Variants in CYRIB observed in about 807,000 individuals in gnomAD.
The protein encoded by CYRIB is CYFIP-related Rac1 interactor B.
Under a neutral mutation model 44.2 loss-of-function variants are expected in CYRIB, and 8 were observed. That is an observed-to-expected ratio of 0.18 (90% confidence interval 0.11 to 0.33). The LOEUF (loss-of-function observed/expected upper bound fraction) is 0.33. CYRIB is among the 10% of genes least tolerant of loss of function. The pLI, the probability that CYRIB is intolerant of heterozygous loss-of-function variation, is 1.00. For missense variants in CYRIB, 185 were observed against 382.8 expected (o/e 0.48, Z 4.31); for synonymous variants, 131 against 127.2 (o/e 1.03, Z -0.20).
chr8:129,938,137 T>C (rs1002161677), intron 1 of CYRIB, among the ~76,000 whole-genome samples: 2 of 152,082 alleles, frequency 1.3e-5, no homozygotes, highest in Non-Finnish European at 2.9e-5. Flanking sequence ...AAAAAAGTGC[T>C]GTCATTTCAT....
At chr8:129,933,872 ACT>A (rs979615223) in intron 1 of CYRIB, among the ~76,000 whole-genome samples, 1 of 149,276 alleles carries the variant, frequency 6.7e-6, no homozygotes, top group African/African-American at 2.5e-5. Context: ...ACAGAGTAAG[ACT>A]CTGTCACACA....
intron 1 of CYRIB, among the ~76,000 whole-genome samples, chr8:129,973,688 A>G (rs1023412950): frequency 1.3e-5 from 2 of 152,138 alleles, no homozygotes; most frequent in African/African-American, 4.8e-5. Context: ...TTAGTTCTTT[A>G]AAAAATACTC....
intron 4 of CYRIB, among the ~76,000 whole-genome samples, chr8:129,867,376 T>G (rs1011400105): frequency 8.5e-6 from 1 of 118,264 alleles, no homozygotes; most frequent in Admixed American, 8.8e-5. Flanking sequence ...ACACCTGTCT[T>G]GGCCTCCCAA....
chr8:129,896,541 A>G (rs531066069), intron 2 of CYRIB: 15 of 152,326 alleles, frequency 9.8e-5, no homozygotes, highest in African/African-American at 3.4e-4. Flanking sequence ...ATGAGAGTTC[A>G]AATCCTTAAA....
At chr8:129,919,505 C>T (rs2082433801) in intron 1 of CYRIB, among the ~76,000 whole-genome samples, 2 of 151,994 alleles carry the variant, frequency 1.3e-5, no homozygotes, top group South Asian at 2.1e-4. Flanking sequence ...CAATACAGTA[C>T]AATTAAATAA....
At chr8:129,946,898 T>C (rs1023046468) in intron 2 of CYRIB, among the ~76,000 whole-genome samples, 6 of 152,116 alleles carry the variant, frequency 3.9e-5, no homozygotes, top group Non-Finnish European at 8.8e-5. Context: ...ACTTGGCTGT[T>C]TGTCAGCCTT....
chr8:129,851,148 T>G, intron 8 of CYRIB: 1 of 491,196 alleles, frequency 2.0e-6, no homozygotes, highest in South Asian at 2.4e-5. Flanking sequence ...TCCAGCAATG[T>G]AAGAACAACT....
intron 2 of CYRIB, among the ~76,000 whole-genome samples, chr8:129,959,234 G>C (rs1024767473): frequency 5.4e-5 from 8 of 149,416 alleles, no homozygotes; most frequent in African/African-American, 2.0e-4. Context: ...CAAAAAAGCA[G>C]AGGAAGTAGT....
At chr8:129,997,848 C>A (rs548930017) in intron 1 of CYRIB, among the ~76,000 whole-genome samples, 14 of 152,078 alleles carry the variant, frequency 9.2e-5, no homozygotes, top group African/African-American at 3.4e-4. Flanking sequence ...ACAGGCCAGG[C>A]GCAGTGGCTC....
At chr8:130,013,550 A>C (rs1348512388) in intron 1 of CYRIB, among the ~76,000 whole-genome samples, 2 of 152,224 alleles carry the variant, frequency 1.3e-5, no homozygotes, top group African/African-American at 4.8e-5. Context: ...CTTCCTTTAC[A>C]ATGCTCAGTG....
intron 2 of CYRIB, among the ~76,000 whole-genome samples, chr8:129,883,569 A>C (rs138284485): frequency 1.3e-5 from 2 of 152,190 alleles, no homozygotes; most frequent in Non-Finnish European, 2.9e-5. Context: ...TTAAAACCAT[A>C]ACCCTATCTT....
intron 1 of CYRIB, among the ~76,000 whole-genome samples, chr8:129,989,818 C>T (rs1480782422): frequency 2.2e-5 from 3 of 139,288 alleles, no homozygotes; most frequent in Non-Finnish European, 3.1e-5. Flanking sequence ...CGACAGGCCC[C>T]GGTGTGTGAT....
intron 1 of CYRIB, among the ~76,000 whole-genome samples, chr8:129,925,302 G>A (rs1487163749): frequency 6.6e-6 from 1 of 152,180 alleles, no homozygotes; most frequent in East Asian, 1.9e-4. Context: ...GGAGGCTGAG[G>A]CACGAGAATT....
intron 4 of CYRIB, among the ~76,000 whole-genome samples, chr8:129,867,026 C>T (rs375218112): frequency 2.0e-4 from 30 of 152,206 alleles, no homozygotes; most frequent in African/African-American, 7.0e-4. Context: ...CACTGGCTCA[C>T]GCCTGTAATC....
At chr8:129,914,148 T>G (rs1294327186) in intron 1 of CYRIB, among the ~76,000 whole-genome samples, 4 of 151,566 alleles carry the variant, frequency 2.6e-5, no homozygotes, top group Non-Finnish European at 5.9e-5. Context: ...CATGAGATAC[T>G]TTTTTTTTAA....
At chr8:129,885,728 AC>A (rs1206344801) in intron 2 of CYRIB, among the ~76,000 whole-genome samples, 1 of 152,134 alleles carries the variant, frequency 6.6e-6, no homozygotes, top group Non-Finnish European at 1.5e-5. Flanking sequence ...TTAACATATG[AC>A]CACCAACCTG....
chr8:129,917,352 C>T lies in CYRIB; in HGVS notation c.-49-14002G>A, dbSNP rs564513228. Among the ~76,000 whole-genome samples, 33 of 152,256 alleles carry T rather than the reference C, an allele frequency of 2.2e-4. 1 individual carries two copies. Among genetic ancestry groups the T allele is most frequent in the African/African-American group, 7.5e-4 (31 of 41,548 alleles). On this transcript the variant is annotated intron_variant, in intron 1 of 11. Transcript: ENST00000519824. ...TGAACTAGCAGTTCAAGCCAGGACT[C>T]CTACTATAGCCTATTTGGGTCTCAC...
chr8:129,987,352 G>C (rs567002927), intron 1 of CYRIB, among the ~76,000 whole-genome samples: 64 of 152,218 alleles, frequency 4.2e-4, no homozygotes, highest in African/African-American at 1.4e-3. Flanking sequence ...GCGGGTTAAT[G>C]AGAGGCTGCT....
At chr8:129,910,480 T>A (rs867250035) in intron 1 of CYRIB, among the ~76,000 whole-genome samples, 1 of 117,626 alleles carries the variant, frequency 8.5e-6, no homozygotes, top group Non-Finnish European at 1.8e-5. Flanking sequence ...TCTTTCACTT[T>A]TTTTTTTTTT....
Sources: gnomAD v4.1 joint callset for allele counts (sites outside exome capture counted in the v4.1 genomes callset) on GRCh38, gnomAD v4.1.1 for gene constraint, MANE v1.5 for transcripts, NCBI Gene and HGNC (gene_info 2026-07-23, HGNC 2026-07-21) for gene names.